Variants in NAV1 observed in about 807,000 individuals in gnomAD.
The protein encoded by NAV1 is pore membrane and/or filament interacting like protein 3.
NAV1 carries 18 observed loss-of-function variants against 175.2 expected under a neutral mutation model. The ratio of observed to expected loss-of-function variants is 0.10; its 90% CI spans 0.07 to 0.15. NAV1 has a LOEUF of 0.15. NAV1 is among the 10% of genes least tolerant of loss of function. The probability of loss-of-function intolerance (pLI) is 1.00; values close to 1 mark genes in which losing one functional copy is unlikely to be tolerated. For synonymous variants in NAV1, 897 were observed against 978.7 expected (o/e 0.92, Z 1.56); for missense variants, 1,731 against 2,436.6 (o/e 0.71, Z 6.10).
intron 1 of NAV1, among the ~76,000 whole-genome samples, chr1:201,546,860 C>T (rs1278337317): frequency 4.1e-5 from 6 of 146,886 alleles, no homozygotes; most frequent in African/African-American, 1.5e-4. Context: ...GCTGAGATGG[C>T]ACCACTGCAC....
rs1665441861 is a variant in NAV1, at chr1:201,539,573, G to A, written c.-144+231G>A. On this transcript the variant is annotated intron_variant, in intron 1 of 33. Transcript: ENST00000685211. The surrounding 1 kb of genome is among the most constrained non-coding windows in gnomAD (Gnocchi z 5.6). ...GTGTGTGCCCTTTCGACCCCTATGGGACTGACTGCGCGTTTGATTCTAGAG... is the reference window on the plus strand; with the variant it reads ...GTGTGTGCCCTTTCGACCCCTATGGAACTGACTGCGCGTTTGATTCTAGAG... Among the ~76,000 whole-genome samples, 2 of 152,152 alleles carry A rather than the reference G, an allele frequency of 1.3e-5. No individual in the cohort carries two copies. Among genetic ancestry groups the A allele is most frequent in the Non-Finnish European group, 2.9e-5 (2 of 68,020 alleles).
chr1:201,752,842 C>T (rs190291509), intron 3 of NAV1, among the ~76,000 whole-genome samples: 17 of 152,270 alleles, frequency 1.1e-4, no homozygotes, highest in Admixed American at 1.0e-3. Flanking sequence ...GGAAACTGTT[C>T]TTTACTGCAT....
intron 1 of NAV1, among the ~76,000 whole-genome samples, chr1:201,690,184 G>A (rs567905087): frequency 2.1e-5 from 3 of 140,100 alleles, no homozygotes; most frequent in Non-Finnish European, 4.6e-5. Flanking sequence ...CTGTGGCAGA[G>A]TGCTGGCTAT....
intron 3 of NAV1, among the ~76,000 whole-genome samples, chr1:201,725,496 G>A (rs1672566236): frequency 6.6e-6 from 1 of 151,858 alleles, no homozygotes; most frequent in African/African-American, 2.4e-5. Flanking sequence ...TGATACCCTG[G>A]GCATGGCAGC....
At chr1:201,620,693 T>C (rs796407989), upstream of NAV1, among the ~76,000 whole-genome samples, 20 of 152,178 alleles carry the variant, frequency 1.3e-4, no homozygotes, top group African/African-American at 4.3e-4. Flanking sequence ...GGTCTCAAAC[T>C]CCTGACCTCA....
rs57709699 is a variant in NAV1 at position 201,812,808 on chromosome 1, C to G, written c.5221+147C>G. 2 of 702,076 alleles carry G rather than the reference C, an allele frequency of 2.8e-6. No individual in the cohort carries two copies. Among genetic ancestry groups the G allele is most frequent in the African/African-American group, 3.6e-5 (2 of 55,678 alleles). 43.5% of individuals were successfully genotyped at this position (702,076 alleles called of 1,614,324 possible). ...TGGCTTCAGACTTAGAACCACTTAA[C>G]GAGCCTTCCCAACACAGTTAGCACC... On this transcript the variant is annotated intron_variant, in intron 27 of 29. Transcript: ENST00000367296. This position sits in a 1 kb window ranked among gnomAD's most constrained non-coding sequence, Gnocchi z 4.6.
At chr1:201,575,099 C>T (rs1666658467) in intron 1 of NAV1, among the ~76,000 whole-genome samples, 1 of 152,218 alleles carries the variant, frequency 6.6e-6, no homozygotes, top group East Asian at 1.9e-4. Flanking sequence ...AGTCCTGATG[C>T]AGAGTGGAAT....
chr1:201,736,371 C>G (rs758774425), intron 3 of NAV1, among the ~76,000 whole-genome samples: 1 of 152,202 alleles, frequency 6.6e-6, no homozygotes, highest in Non-Finnish European at 1.5e-5. Flanking sequence ...TAGAGCACAC[C>G]AAACTGCTTC....
intron 17 of NAV1, among the ~76,000 whole-genome samples, chr1:201,806,024 A>C (rs1571511500): frequency 6.9e-6 from 1 of 145,044 alleles, no homozygotes; most frequent in African/African-American, 2.6e-5. Flanking sequence ...TCACTGTGTC[A>C]CCCAGGCTGG....
chr1:201,642,700 CTCTT>C lies in NAV1; in HGVS notation c.5-5917_5-5914del, dbSNP rs1553247128. Among the ~76,000 whole-genome samples the C allele has an allele frequency of 1.2e-3, 163 of 139,868 alleles. 1 individual carries two copies. Among genetic ancestry groups the C allele is most frequent in the African/African-American group, 2.0e-3 (72 of 35,754 alleles). The allele number at this position is 139,868 out of a possible 152,430, so 91.8% of individuals were successfully genotyped here. A position where few individuals can be genotyped will look rare whatever the true frequency, so the allele number is the denominator to read the frequency against. Reference sequence around the variant, plus strand: ...CCTCTCTTTCTTCCCTTTCTTCTCTCTCTTTCTTTCTTTCTTTCTTCCCTTCCTT... The same window carrying C: ...CCTCTCTTTCTTCCCTTTCTTCTCTCTCTTTCTTTCTTTCTTCCCTTCCTT... On this transcript the variant is annotated intron_variant, in intron 2 of 29. Transcript: ENST00000367302.
intron 1 of NAV1, among the ~76,000 whole-genome samples, chr1:201,668,605 A>T (rs1181110592): frequency 1.3e-5 from 2 of 152,064 alleles, no homozygotes; most frequent in Non-Finnish European, 2.9e-5. Context: ...AAGGGTAGAG[A>T]GGTGGTGCTG....
At chr1:201,767,232 C>T (rs561755997) in intron 3 of NAV1, among the ~76,000 whole-genome samples, 6 of 151,908 alleles carry the variant, frequency 3.9e-5, no homozygotes, top group Non-Finnish European at 8.8e-5. Context: ...ATGAGCAGAT[C>T]ACAAGGTCAG....
intron 1 of NAV1, among the ~76,000 whole-genome samples, chr1:201,572,843 G>T (rs1666586883): frequency 6.6e-6 from 1 of 152,126 alleles, no homozygotes; most frequent in Non-Finnish European, 1.5e-5. Flanking sequence ...TAGATGCCCT[G>T]GGGTAGGGGG....
intron 13 of NAV1, 186 bp from the exon 18 acceptor site, chr1:201,793,606 A>G (rs1677245490): frequency 1.7e-6 from 1 of 579,634 alleles, no homozygotes; most frequent in African/African-American, 1.9e-5. Flanking sequence ...GGTTCCCACC[A>G]GAAAATTTCT....
chr1:201,590,563 C>T (rs1215708447), intron 2 of NAV1, among the ~76,000 whole-genome samples: 2 of 152,200 alleles, frequency 1.3e-5, no homozygotes, highest in Non-Finnish European at 2.9e-5. Context: ...TCCCTGGCAA[C>T]CCCTGGCTTT....
At chr1:201,796,591 G>A (rs1456615130) in intron 15 of NAV1, 1 of 149,348 alleles carries the variant, frequency 6.7e-6, no homozygotes, top group African/African-American at 2.5e-5. Flanking sequence ...GCGTCCCAAA[G>A]TGCTGGGATT....
At chr1:201,634,984 T>A (rs574122060) in intron 2 of NAV1, among the ~76,000 whole-genome samples, 118 of 152,360 alleles carry the variant, frequency 7.7e-4, no homozygotes, top group African/African-American at 2.8e-3. Context: ...GACCTCTGCA[T>A]TGCCCAACTC....
At chr1:201,797,791 T>C (rs1353514507) in intron 15 of NAV1, 1 of 152,252 alleles carries the variant, frequency 6.6e-6, no homozygotes, top group Non-Finnish European at 1.5e-5. Context: ...TATAGATTAC[T>C]AGTGTATAAA....
chr1:201,774,739 A>G (rs1675826323), intron 3 of NAV1, among the ~76,000 whole-genome samples: 1 of 152,252 alleles, frequency 6.6e-6, no homozygotes, highest in Non-Finnish European at 1.5e-5. Flanking sequence ...AGGATATCTT[A>G]TCCAAAAGAG....
Sources: allele counts gnomAD v4.1 joint callset (sites outside exome capture counted in the v4.1 genomes callset), GRCh38; gene constraint gnomAD v4.1.1; non-coding constraint Gnocchi (gnomAD v3.1); transcripts MANE v1.5; gene names NCBI Gene and HGNC (gene_info 2026-07-23, HGNC 2026-07-21).